Variants in PACRG observed in about 807,000 individuals in gnomAD.
The protein encoded by PACRG is parkin coregulated.
A neutral mutation model predicts 29.7 loss-of-function variants in PACRG; 29 were observed. That is an observed-to-expected ratio of 0.98 (90% confidence interval 0.73 to 1.33). The LOEUF (loss-of-function observed/expected upper bound fraction) is 1.33, where lower values mean the gene tolerates loss of function less well. Among genes scored for constraint, PACRG ranks in the 40% most tolerant of loss-of-function variants. The probability of loss-of-function intolerance (pLI) is 0.00; values close to 1 mark genes in which losing one functional copy is unlikely to be tolerated. For synonymous variants in PACRG, 116 were observed against 118.7 expected (o/e 0.98, Z 0.15); for missense variants, 279 against 316.2 (o/e 0.88, Z 0.89).
intron 2 of PACRG, among the ~76,000 whole-genome samples, chr6:162,825,985 C>T (rs1788241882): frequency 6.6e-6 from 1 of 150,612 alleles, no homozygotes; most frequent in African/African-American, 2.4e-5. Flanking sequence ...ATAGTTTTGG[C>T]CATATTGACC....
chr6:162,978,592 T>C (rs1238467691), intron 2 of PACRG, among the ~76,000 whole-genome samples: 1 of 152,146 alleles, frequency 6.6e-6, no homozygotes, highest in African/African-American at 2.4e-5. Context: ...ATGCACAGGA[T>C]ATTAACTTTT....
In PACRG at chr6:163,264,849, G is replaced by C. The variant is rs551761159; in HGVS notation, c.614-49978G>C. On this transcript the variant is annotated intron_variant, in intron 4 of 4. Transcript: ENST00000366888. ...TCTGGCAACTGTGCACAGAAAAACAGGTTAAGAAACGAGTCTTTCGCAAGT... is the reference window on the plus strand; with the variant it reads ...TCTGGCAACTGTGCACAGAAAAACACGTTAAGAAACGAGTCTTTCGCAAGT... 2.0e-5 allele frequency among the ~76,000 whole-genome samples: 3 copies of C among 152,252 alleles called. No individual in the cohort carries two copies. In the South Asian group the frequency reaches 6.2e-4, roughly 32 times the overall value.
chr6:163,313,599 A>G (rs1785525520), intron 4 of PACRG, among the ~76,000 whole-genome samples: 1 of 152,226 alleles, frequency 6.6e-6, no homozygotes, highest in African/African-American at 2.4e-5. Context: ...TCACATTCAA[A>G]CAAGATAAAC....
intron 4 of PACRG, chr6:163,165,906 C>G (rs1778782765): frequency 2.8e-6 from 1 of 360,052 alleles, no homozygotes; most frequent in Non-Finnish European, 5.5e-6. Flanking sequence ...TTCATTGCAT[C>G]TAAGGCACCA....
chr6:162,861,048 A>G (rs1791815762), intron 2 of PACRG, among the ~76,000 whole-genome samples: 1 of 150,252 alleles, frequency 6.7e-6, no homozygotes, highest in African/African-American at 2.5e-5. Flanking sequence ...GAGAAAAACA[A>G]TGGACAAGGA....
chr6:163,200,228 A>C (rs1780640608), intron 4 of PACRG, among the ~76,000 whole-genome samples: 1 of 152,150 alleles, frequency 6.6e-6, no homozygotes. Flanking sequence ...AAAAAAGGCA[A>C]CTTTTTTTTC....
At chr6:163,254,381 TA>T (rs1349698121) in intron 4 of PACRG, among the ~76,000 whole-genome samples, 2 of 151,806 alleles carry the variant, frequency 1.3e-5, no homozygotes, top group Admixed American at 1.3e-4. Context: ...GGCACAACAA[TA>T]AAAAACATGA....
intron 4 of PACRG, among the ~76,000 whole-genome samples, chr6:163,217,673 C>G (rs1414498542): frequency 1.3e-5 from 2 of 152,142 alleles, no homozygotes; most frequent in African/African-American, 4.8e-5. Context: ...GCTCGCTTTA[C>G]TGCCTGAGCT....
intron 4 of PACRG, among the ~76,000 whole-genome samples, chr6:163,306,408 T>C (rs1785199942): frequency 6.6e-6 from 1 of 152,238 alleles, no homozygotes; most frequent in Admixed American, 6.5e-5. Flanking sequence ...GAGGGATAAA[T>C]TGATGAACCC....
chr6:163,281,957 C>A (rs552876427), intron 4 of PACRG, among the ~76,000 whole-genome samples: 163 of 151,992 alleles, frequency 1.1e-3, no homozygotes, highest in African/African-American at 3.8e-3. Flanking sequence ...GCACAAGAAG[C>A]AGATCAAGTT....
At chr6:163,196,838 A>C (rs182881065) in intron 4 of PACRG, among the ~76,000 whole-genome samples, 6 of 152,108 alleles carry the variant, frequency 3.9e-5, no homozygotes, top group Admixed American at 3.9e-4. Flanking sequence ...GTAGAAAGAA[A>C]GACTAGACAG....
chr6:162,757,701 T>G (rs1192487437), intron 1 of PACRG, among the ~76,000 whole-genome samples: 2 of 152,008 alleles, frequency 1.3e-5, no homozygotes, highest in African/African-American at 4.8e-5. Context: ...AGCGAGACTC[T>G]GTCTAAAAAA....
At chr6:162,774,975 A>C (rs1783528399) in intron 1 of PACRG, among the ~76,000 whole-genome samples, 1 of 152,158 alleles carries the variant, frequency 6.6e-6, no homozygotes, top group African/African-American at 2.4e-5. Flanking sequence ...GGGTTTACCC[A>C]ACGATGGCCT....
intron 2 of PACRG, among the ~76,000 whole-genome samples, chr6:162,922,832 T>G (rs1406875085): frequency 6.6e-6 from 1 of 152,200 alleles, no homozygotes; most frequent in African/African-American, 2.4e-5. Context: ...CAGGTTGATT[T>G]CATATCTTGG....
At chr6:163,268,339 T>G (rs1783612278) in intron 4 of PACRG, among the ~76,000 whole-genome samples, 1 of 149,350 alleles carries the variant, frequency 6.7e-6, no homozygotes, top group Non-Finnish European at 1.5e-5. Context: ...GAGGCAGAGC[T>G]TGCAGTGAGC....
At chr6:163,101,267 T>C (rs1451581695) in intron 4 of PACRG, 1 of 982,382 alleles carries the variant, frequency 1.0e-6, no homozygotes, top group Non-Finnish European at 1.2e-6. Context: ...CAAGATGTAA[T>C]TGGGCCATAA....
chr6:163,041,261 T>C (rs1337924843), intron 2 of PACRG, among the ~76,000 whole-genome samples: 2 of 151,852 alleles, frequency 1.3e-5, no homozygotes, highest in Non-Finnish European at 2.9e-5. Flanking sequence ...GGCGTGAACC[T>C]GGGAGGCGGA....
intron 4 of PACRG, among the ~76,000 whole-genome samples, chr6:163,231,590 G>A (rs921667359): frequency 1.3e-5 from 2 of 152,126 alleles, no homozygotes; most frequent in African/African-American, 4.8e-5. Flanking sequence ...GCTGAGCCAG[G>A]ATGCCTCAGC....
intron 4 of PACRG, among the ~76,000 whole-genome samples, chr6:163,125,396 G>A (rs1816475959): frequency 6.6e-6 from 1 of 152,086 alleles, no homozygotes. Context: ...AAGATTGATG[G>A]GTCTGACTAT....
Sources: allele counts gnomAD v4.1 joint callset (sites outside exome capture counted in the v4.1 genomes callset), GRCh38; gene constraint gnomAD v4.1.1; transcripts MANE v1.5; gene names NCBI Gene and HGNC (gene_info 2026-07-23, HGNC 2026-07-21).